Variants in ASTN2 observed in about 807,000 individuals in gnomAD.
ASTN2 encodes the protein astrotactin 2, also known as astrotactin-2.
A neutral mutation model predicts 139.8 loss-of-function variants in ASTN2; 54 were observed. That is an observed-to-expected ratio of 0.39 (90% confidence interval 0.31 to 0.48). ASTN2 has a LOEUF of 0.48. Ranked by LOEUF, ASTN2 falls within the 20% of genes least tolerant of loss-of-function variation. ASTN2 has a pLI of 0.95. For missense variants in ASTN2, 1,565 were observed against 1,725.1 expected (o/e 0.91, Z 1.64); for synonymous variants, 756 against 719.5 (o/e 1.05, Z -0.81).
intron 7 of ASTN2, among the ~76,000 whole-genome samples, chr9:117,004,188 T>C (rs1055959434): frequency 6.6e-5 from 10 of 152,050 alleles, no homozygotes; most frequent in African/African-American, 2.2e-4. Flanking sequence ...AGCATGATCA[T>C]GGCTAACTGT....
intron 10 of ASTN2, among the ~76,000 whole-genome samples, chr9:116,958,700 G>T (rs908981056): frequency 6.6e-6 from 1 of 152,042 alleles, no homozygotes; most frequent in African/African-American, 2.4e-5. Flanking sequence ...GAAATTGGTG[G>T]GTATGGCACT....
At chr9:117,400,281 C>T (rs898461682) in intron 1 of ASTN2, among the ~76,000 whole-genome samples, 3 of 152,208 alleles carry the variant, frequency 2.0e-5, no homozygotes, top group African/African-American at 7.2e-5. Flanking sequence ...ACTTGAAAAA[C>T]CTGTTTGGTT....
intron 1 of ASTN2, among the ~76,000 whole-genome samples, chr9:117,364,211 T>C (rs1401568548): frequency 6.6e-6 from 1 of 152,126 alleles, no homozygotes. Flanking sequence ...CCCCCTCTGA[T>C]AACTTAGAAA....
Position 117,251,053 on chromosome 9 carries a change from G to C in ASTN2, c.631-36311C>G, listed in dbSNP as rs545278867. Among the ~76,000 whole-genome samples, 4 of 152,270 alleles carry C rather than the reference G, an allele frequency of 2.6e-5. No homozygotes were observed. The East Asian group carries it at 7.7e-4, about 29-fold the overall frequency. ...GAATCAAGAACAAGAAGGAGTGGGA[G>C]CGCAAATGGTTCTATGAGTGAAGCT... On this transcript the variant is annotated intron_variant, in intron 2 of 22. Coordinates refer to ENST00000313400, the MANE Select transcript of ASTN2 (RefSeq NM_001365068.1).
intron 1 of ASTN2, among the ~76,000 whole-genome samples, chr9:117,362,576 C>G (rs1160407780): frequency 1.3e-5 from 2 of 152,132 alleles, no homozygotes; most frequent in Admixed American, 1.3e-4. Flanking sequence ...GGGAGTTCCT[C>G]TTTCTCAAAT....
intron 19 of ASTN2, chr9:116,586,315 CCTT>C (rs1369822247): frequency 6.6e-6 from 1 of 152,162 alleles, no homozygotes; most frequent in East Asian, 1.9e-4. Flanking sequence ...GAAAATAAAT[CCTT>C]CTACAAAAAA....
At chr9:117,013,366 G>A (rs1454466179) in intron 6 of ASTN2, among the ~76,000 whole-genome samples, 2 of 151,598 alleles carry the variant, frequency 1.3e-5, no homozygotes, top group Non-Finnish European at 2.9e-5. Context: ...ACTGTTCTGA[G>A]TTCCTCTCTA....
intron 2 of ASTN2, among the ~76,000 whole-genome samples, chr9:117,235,768 A>T (rs545596609): frequency 6.6e-6 from 1 of 151,772 alleles, no homozygotes; most frequent in East Asian, 1.9e-4. Flanking sequence ...TTTTTTTTTT[A>T]AATACAAGTT....
chr9:117,367,532 T>G (rs1829876793), intron 1 of ASTN2, among the ~76,000 whole-genome samples: 1 of 152,152 alleles, frequency 6.6e-6, no homozygotes, highest in Admixed American at 6.6e-5. Context: ...GTGAAGCTTT[T>G]GCAGAAGTCC....
chr9:117,274,720 C>T (rs1370550179), intron 2 of ASTN2, among the ~76,000 whole-genome samples: 3 of 152,238 alleles, frequency 2.0e-5, no homozygotes, highest in Admixed American at 6.5e-5. Context: ...CTCACTCCAT[C>T]ACTGTAAGGT....
chr9:117,134,878 G>A (rs1226188112), intron 4 of ASTN2, among the ~76,000 whole-genome samples: 1 of 152,212 alleles, frequency 6.6e-6, no homozygotes, highest in African/African-American at 2.4e-5. Context: ...GAGAGTGGAT[G>A]TCTTAAAAAA....
chr9:116,766,738 ACATT>A (rs1218164616), intron 13 of ASTN2, among the ~76,000 whole-genome samples: 1 of 151,960 alleles, frequency 6.6e-6, no homozygotes, highest in Non-Finnish European at 1.5e-5. Flanking sequence ...ACAAGCTCAC[ACATT>A]CAGTCACATA....
At chr9:116,993,261 T>C (rs1836909168) in intron 7 of ASTN2, among the ~76,000 whole-genome samples, 1 of 152,158 alleles carries the variant, frequency 6.6e-6, no homozygotes, top group Non-Finnish European at 1.5e-5. Context: ...GCCTCTATGA[T>C]CTTCCTCAAA....
At chr9:117,091,629 T>C (rs1208130203) in intron 5 of ASTN2, among the ~76,000 whole-genome samples, 1 of 151,494 alleles carries the variant, frequency 6.6e-6, no homozygotes, top group Admixed American at 6.6e-5. Context: ...AGACAAATGT[T>C]GTGAAGGCTG....
intron 2 of ASTN2, among the ~76,000 whole-genome samples, chr9:117,224,378 G>T (rs13293507): frequency 0.44 from 66,474 of 151,960 alleles, 15,192 homozygotes; most frequent in African/African-American, 0.54. Context: ...TATTATTGAT[G>T]TAAGACCTTG....
chr9:116,667,309 G>T (rs1011323772), intron 16 of ASTN2, among the ~76,000 whole-genome samples: 7 of 151,946 alleles, frequency 4.6e-5, no homozygotes, highest in African/African-American at 1.7e-4. Flanking sequence ...AGCAGTTAAG[G>T]TAATTTGAAT....
intron 17 of ASTN2, among the ~76,000 whole-genome samples, chr9:116,644,491 A>G (rs1857494705): frequency 6.6e-6 from 1 of 152,182 alleles, no homozygotes; most frequent in African/African-American, 2.4e-5. Context: ...CCCAGATGAG[A>G]AAACTGAGCC....
At chr9:117,342,380 T>C (rs577323740) in intron 1 of ASTN2, among the ~76,000 whole-genome samples, 12 of 152,326 alleles carry the variant, frequency 7.9e-5, no homozygotes, top group African/African-American at 2.9e-4. Flanking sequence ...AATAATTCAA[T>C]TTATGTGGCA....
chr9:116,828,529 T>TA (rs770537033), intron 11 of ASTN2, among the ~76,000 whole-genome samples: 97 of 151,724 alleles, frequency 6.4e-4, no homozygotes, highest in Admixed American at 1.3e-3. Context: ...CCTTTGATGA[T>TA]AAAAAAAATC....
Sources: gnomAD v4.1 joint callset for allele counts (sites outside exome capture counted in the v4.1 genomes callset) on GRCh38, gnomAD v4.1.1 for gene constraint, MANE v1.5 for transcripts, NCBI Gene and HGNC (gene_info 2026-07-23, HGNC 2026-07-21) for gene names.